The following RPS6KC1 variants were observed in gnomAD, a reference collection of about 807,000 sequenced individuals.
RPS6KC1 encodes ribosomal protein S6 kinase C1.
In RPS6KC1, 54 loss-of-function variants were observed where a neutral mutation model predicts 103.8. That is an observed-to-expected ratio of 0.52 (90% CI 0.42 to 0.65). RPS6KC1 has a LOEUF of 0.65. Ranked by LOEUF, RPS6KC1 falls within the 30% of genes least tolerant of loss-of-function variation. RPS6KC1 has a pLI of 0.00. For missense variants in RPS6KC1, 1,151 were observed against 1,253.8 expected, an observed-to-expected ratio of 0.92 and a Z score of 1.24; for synonymous variants, 439 against 438.7, an observed-to-expected ratio of 1.00 and a Z score of -0.01.
the RPS6KC1 span, among the ~76,000 whole-genome samples, chr1:213,672,698 C>G: frequency 1.3e-5 from 2 of 152,190 alleles, no homozygotes; most frequent in Non-Finnish European, 2.9e-5. Context: ...CACATATAAA[C>G]TAATAATTTT....
At chr1:213,415,674 G>A in the RPS6KC1 span, among the ~76,000 whole-genome samples, 1 of 152,152 alleles carries the variant, frequency 6.6e-6, no homozygotes, top group African/African-American at 2.4e-5. Flanking sequence ...CTTCCTGCGG[G>A]GTTCTTTAAT....
At chr1:213,377,670 G>C in the RPS6KC1 span, among the ~76,000 whole-genome samples, 2 of 152,176 alleles carry the variant, frequency 1.3e-5, no homozygotes, top group African/African-American at 2.4e-5. Flanking sequence ...TCAAGCTGGA[G>C]CTGTATTTAA....
the RPS6KC1 span, among the ~76,000 whole-genome samples, chr1:213,350,432 G>A: frequency 3.3e-5 from 5 of 152,148 alleles, no homozygotes; most frequent in Non-Finnish European, 5.9e-5. Flanking sequence ...AGACACTTCT[G>A]GGGCAGATGT....
the RPS6KC1 span, among the ~76,000 whole-genome samples, chr1:213,559,454 A>T: frequency 6.6e-6 from 1 of 152,228 alleles, no homozygotes; most frequent in South Asian, 2.1e-4. Flanking sequence ...GAAGTCAGTT[A>T]GATAAAATAA....
the RPS6KC1 span, among the ~76,000 whole-genome samples, chr1:213,733,767 T>C: frequency 6.6e-6 from 1 of 152,232 alleles, no homozygotes; most frequent in Admixed American, 6.5e-5. Flanking sequence ...AAGGTTCAAG[T>C]AGCCTTCTCT....
the RPS6KC1 span, among the ~76,000 whole-genome samples, chr1:213,485,417 C>G: frequency 2.6e-5 from 4 of 152,078 alleles, no homozygotes; most frequent in African/African-American, 9.7e-5. Flanking sequence ...CCTGCCACCC[C>G]CAATCCTTTC....
At chr1:213,088,594 G>A (rs2080653742) in intron 3 of RPS6KC1, among the ~76,000 whole-genome samples, 1 of 152,078 alleles carries the variant, frequency 6.6e-6, no homozygotes, top group East Asian at 1.9e-4. Flanking sequence ...TGAGCACAAA[G>A]TGATCTGTCC....
chr1:213,416,985 T>G, the RPS6KC1 span, among the ~76,000 whole-genome samples: 3 of 152,220 alleles, frequency 2.0e-5, no homozygotes, highest in African/African-American at 4.8e-5. Flanking sequence ...GCAGGTGGAC[T>G]GCAGCTGGCC....
chr1:213,529,250 A>G, the RPS6KC1 span, among the ~76,000 whole-genome samples: 7 of 152,142 alleles, frequency 4.6e-5, no homozygotes, highest in Non-Finnish European at 1.5e-5. Flanking sequence ...CTAACCAGGC[A>G]AAGAAGGAAG....
At chr1:213,506,287 T>G in the RPS6KC1 span, among the ~76,000 whole-genome samples, 2 of 152,180 alleles carry the variant, frequency 1.3e-5, no homozygotes. Flanking sequence ...ATGCTGATAA[T>G]GGTCTTTAAA....
the RPS6KC1 span, among the ~76,000 whole-genome samples, chr1:213,687,250 T>C: frequency 6.6e-6 from 1 of 152,218 alleles, no homozygotes; most frequent in Non-Finnish European, 1.5e-5. Flanking sequence ...CTATTCAAGA[T>C]GGAGTCGCTC....
At chr1:213,419,910 G>A in the RPS6KC1 span, among the ~76,000 whole-genome samples, 2 of 152,212 alleles carry the variant, frequency 1.3e-5, no homozygotes, top group Non-Finnish European at 2.9e-5. Flanking sequence ...GTGGGAGGAA[G>A]AGGAGCTTGA....
At chr1:213,601,294 G>T in the RPS6KC1 span, among the ~76,000 whole-genome samples, 1 of 147,266 alleles carries the variant, frequency 6.8e-6, no homozygotes, top group Non-Finnish European at 1.5e-5. Context: ...TTCTTATTAA[G>T]AATAATATAT....
chr1:213,115,576 T>G (rs2083498263), intron 4 of RPS6KC1, among the ~76,000 whole-genome samples: 1 of 152,194 alleles, frequency 6.6e-6, no homozygotes, highest in Admixed American at 6.5e-5. Context: ...TGATTTTAGT[T>G]ATTTCTTGCC....
At chr1:213,394,109 C>G in the RPS6KC1 span, among the ~76,000 whole-genome samples, 1 of 152,050 alleles carries the variant, frequency 6.6e-6, no homozygotes, top group Non-Finnish European at 1.5e-5. Context: ...CTCATGGCAG[C>G]TTAGCTGAGT....
chr1:213,087,353 T>A (rs902360370), intron 3 of RPS6KC1, among the ~76,000 whole-genome samples: 3 of 152,234 alleles, frequency 2.0e-5, no homozygotes, highest in Admixed American at 6.5e-5. Flanking sequence ...GCTATATTTC[T>A]TATCAACATT....
In RPS6KC1 at chr1:213,104,476, C is replaced by A. The variant is rs56056039; in HGVS notation, c.285C>A (p.Ile95=). The change falls in exon 4 of 15, where the codon ATC becomes ATA. Residue 95 remains isoleucine (I), a synonymous_variant. Transcript: ENST00000366960. ...TAGGGCGATTTGATGAAACTGTTAT[C>A]GAAGAGAGAAGACAATGTGCTGAAG... The part of the protein sequence containing the change: ...IVFGRFDETV[I]EERRQCAEDL... The A allele has an allele frequency of 7.7e-4, 1,236 of 1,610,330 alleles. 4 individuals are homozygous for A. The highest frequency in any genetic ancestry group is 1.4e-3 in the Admixed American group (82 of 59,846).
At chr1:213,348,474 A>T in the RPS6KC1 span, among the ~76,000 whole-genome samples, 1 of 152,162 alleles carries the variant, frequency 6.6e-6, no homozygotes, top group African/African-American at 2.4e-5. Flanking sequence ...TAAAAGAAAA[A>T]CTATCTGGGT....
chr1:213,820,600 G>T, the RPS6KC1 span: 1 of 152,154 alleles, frequency 6.6e-6, no homozygotes, highest in African/African-American at 2.4e-5. Context: ...TTCTAGTGTG[G>T]CCAAGTAGGC....
Sources: gnomAD v4.1 joint callset for allele counts (sites outside exome capture counted in the v4.1 genomes callset) on GRCh38, gnomAD v4.1.1 for gene constraint, MANE v1.5 for transcripts, NCBI Gene and HGNC (gene_info 2026-07-23, HGNC 2026-07-21) for gene names.